The following SYNM variants were observed in gnomAD, a reference collection of about 807,000 sequenced individuals.
The protein encoded by SYNM is desmuslin.
A neutral mutation model predicts 104.0 loss-of-function variants in SYNM; 95 were observed. That is an observed-to-expected ratio of 0.91 (90% CI 0.77 to 1.08). The LOEUF is 1.08. SYNM is among the 50% of genes least tolerant of loss of function. The probability of loss-of-function intolerance (pLI) is 0.00; values close to 1 mark genes in which losing one functional copy is unlikely to be tolerated. For missense variants in SYNM, 2,150 were observed against 2,052.2 expected, an observed-to-expected ratio of 1.05 and a Z score of -0.92; for synonymous variants, 918 against 869.0, an observed-to-expected ratio of 1.06 and a Z score of -0.99.
rs979388201 is a variant in SYNM, at chr15:99,105,935, C to G, written c.736C>G (p.Gln246Glu). Residue 246 changes from glutamine (Q) to glutamate (E), a missense_variant, in exon 1 of 4, where the codon CAG becomes GAG. Physicochemically the swap from Gln to Glu is conservative, Grantham distance 29. Transcript: ENST00000336292. ...GCGGCGCGAGGCGCTCGGGTTGGAG[C>G]AGCTGCGCGCGCGGCTGGAGGACGC... ...ALRREALGLE[Q>E]LRARLEDALL... The G allele has an allele frequency of 6.6e-7, 1 of 1,522,750 alleles. No homozygotes were observed. The highest frequency in any genetic ancestry group is 8.8e-7 in the Non-Finnish European group (1 of 1,140,916). 94.3% of individuals were successfully genotyped at this position (1,522,750 alleles called of 1,614,324 possible). A position where few individuals can be genotyped will look rare whatever the true frequency, so the allele number is the denominator to read the frequency against.
In SYNM at chr15:99,131,274, A is replaced by C. The variant is rs2067503084; in HGVS notation, c.2914A>C (p.Thr972Pro). 17 of 1,611,820 alleles carry C rather than the reference A, an allele frequency of 1.1e-5. No homozygotes were observed. The highest frequency in any genetic ancestry group is 1.4e-5 in the Non-Finnish European group (17 of 1,179,272). Residue 972 changes from threonine to proline, a missense_variant, in exon 4 of 4, where the codon ACC becomes CCC. Thr to Pro is a conservative substitution (Grantham distance 38). Coordinates refer to ENST00000336292, the MANE Select transcript of SYNM (RefSeq NM_145728.3). This position sits in a 1 kb window ranked among gnomAD's most constrained non-coding sequence, Gnocchi z 4.3. ...CATGAGGGAGGAGCTGTCCGCCCTC[A>C]CCAGAGAGGGGCAGGGTGGGCCGGG... ...ERMREELSAL[T>P]REGQGGPGSV...
chr15:99,123,648 C>A (rs1412471780), intron 2 of SYNM, among the ~76,000 whole-genome samples: 1 of 152,250 alleles, frequency 6.6e-6, no homozygotes, highest in Non-Finnish European at 1.5e-5. Context: ...GGCTCCTTCT[C>A]CAGCTCCGGA....
In SYNM at chr15:99,105,469, C is replaced by G. The variant is rs1555482425; in HGVS notation, c.270C>G (p.Arg90=). 1.4e-6 allele frequency: 2 copies of G among 1,393,612 alleles called. No homozygotes were observed. The highest frequency in any genetic ancestry group is 1.9e-6 in the Non-Finnish European group (2 of 1,077,560). The allele number at this position is 1,393,612 out of a possible 1,614,324, so 86.3% of individuals were successfully genotyped here. A position where few individuals can be genotyped will look rare whatever the true frequency, so the allele number is the denominator to read the frequency against. ...AGGGCGAGCGGGACGCTCTGCGGCG[C>G]GAGCTGCGGGAGCTGCAGCGCCTGG... is the stretch of plus-strand genomic sequence containing the variant. The part of the protein sequence containing the change: ...LAEGERDALR[R]ELRELQRLDA... Residue 90 remains arginine, a synonymous_variant, in exon 1 of 4, where the codon CGC becomes CGG. Coordinates refer to ENST00000336292, the MANE Select transcript of SYNM (RefSeq NM_145728.3).
At chr15:99,123,145 G>A (rs2067416648) in intron 2 of SYNM, among the ~76,000 whole-genome samples, 1 of 152,130 alleles carries the variant, frequency 6.6e-6, no homozygotes, top group Non-Finnish European at 1.5e-5. Context: ...CAGAAATAGG[G>A]AAACTGAGTC....
At position 99,131,616 on chromosome 15, in the gene SYNM, G is replaced by A. The variant is rs781802455; in HGVS notation, c.3256G>A (p.Ala1086Thr). The A allele has an allele frequency of 6.2e-7, 1 of 1,610,300 alleles. No homozygotes were observed. The highest frequency in any genetic ancestry group is 1.7e-5 in the Admixed American group (1 of 59,938). Reference sequence around the variant, plus strand: ...AGGCGAGAGCGAGGTTGCTGGTGGGGCCTCTCACAGCTCGGGACAGCGCAC... The same window carrying A: ...AGGCGAGAGCGAGGTTGCTGGTGGGACCTCTCACAGCTCGGGACAGCGCAC... Reference protein sequence around the residue: ...PSGESEVAGGASHSSGQRTPQ... With the variant: ...PSGESEVAGGTSHSSGQRTPQ... The change falls in exon 4 of 4, where the codon GCC becomes ACC. Residue 1086 changes from alanine to threonine, a missense_variant. Physicochemically the swap from Ala to Thr is moderately conservative, Grantham distance 58. Transcript: ENST00000336292. The surrounding 1 kb of genome is among the most constrained non-coding windows in gnomAD (Gnocchi z 4.3).
At position 99,132,396 on chromosome 15, in the gene SYNM, G is replaced by A; in HGVS notation, c.4036G>A (p.Glu1346Lys). Residue 1346 changes from glutamate to lysine, a missense_variant, in exon 4 of 4, where the codon GAG (glutamate) becomes AAG (lysine). Coordinates refer to ENST00000336292, the MANE Select transcript of SYNM (RefSeq NM_145728.3). ...TGACTCAGAGAGCACTGTGCACGGA[G>A]AGGGCTCAGCAGATGTGCACCAGGC... Reference protein sequence around the residue: ...SGDSESTVHGEGSADVHQATH... With the variant: ...SGDSESTVHGKGSADVHQATH... The A allele has an allele frequency of 6.2e-7, 1 of 1,613,994 alleles. No individual in the cohort carries two copies. Among genetic ancestry groups the A allele is most frequent in the Non-Finnish European group, 8.5e-7 (1 of 1,179,886 alleles).
In SYNM at chr15:99,132,407, A is replaced by G. The variant is rs1555486111; in HGVS notation, c.4047A>G (p.Ala1349=). ...GCACTGTGCACGGAGAGGGCTCAGC[A>G]GATGTGCACCAGGCCACTCACAGTC... ...SESTVHGEGS[A]DVHQATHSHT... is the part of the protein sequence containing the mutation. Residue 1349 remains alanine, a synonymous_variant, in exon 4 of 4, where the codon GCA becomes GCG. Transcript: ENST00000336292. 1.2e-6 allele frequency: 2 copies of G among 1,613,916 alleles called. No individual in the cohort carries two copies. Among genetic ancestry groups the G allele is most frequent in the East Asian group, 4.5e-5 (2 of 44,892 alleles).
At chr15:99,117,990 A>C (rs1280325169) in intron 2 of SYNM, among the ~76,000 whole-genome samples, 2 of 152,002 alleles carry the variant, frequency 1.3e-5, no homozygotes, top group African/African-American at 2.4e-5. Context: ...ATTTCACTGT[A>C]CCTCTTTCTG....
downstream of SYNM, chr15:99,137,754 A>G: frequency 2.0e-6 from 1 of 499,860 alleles, no homozygotes; most frequent in Non-Finnish European, 3.5e-6. Context: ...CTGATGGGTA[A>G]AAATTCTTGT....
In SYNM at chr15:99,131,738, C is replaced by A. The variant is rs374811600; in HGVS notation, c.3378C>A (p.His1126Gln). 13 of 1,613,788 alleles carry A rather than the reference C, an allele frequency of 8.1e-6. No individual in the cohort carries two copies. The Admixed American group carries it at 1.5e-4, about 19-fold the overall frequency. Residue 1126 changes from histidine to glutamine, a missense_variant, in exon 4 of 4, where the codon CAC becomes CAA. Coordinates refer to ENST00000336292, the MANE Select transcript of SYNM (RefSeq NM_145728.3). The surrounding 1 kb of genome is among the most constrained non-coding windows in gnomAD (Gnocchi z 4.3). ...VLEDVSQAAR[H>Q]IKLGPSEVWR... ...AGGATGTGAGCCAGGCTGCAAGGCA[C>A]ATAAAACTCGGCCCCTCTGAAGTCT...
Position 99,130,062 on chromosome 15 carries a change from AAGG to A in SYNM, c.1705_1707del (p.Glu569del), listed in dbSNP as rs782761255. On this transcript the variant is annotated inframe_deletion, in exon 4 of 4. Coordinates refer to ENST00000336292, the MANE Select transcript of SYNM (RefSeq NM_145728.3). ...GAAGGCTAAGGAGAAGGACTCACCG[AAGG>A]AGAAGAGCGTGCGAGAGAGAGAGGT... The A allele has an allele frequency of 3.7e-6, 6 of 1,613,980 alleles. No homozygotes were observed. In the East Asian group the frequency reaches 1.3e-4, roughly 36 times the overall value.
Position 99,131,282 on chromosome 15 carries a change from G to C in SYNM, c.2922G>C (p.Glu974Asp), listed in dbSNP as rs782506299. Residue 974 changes from glutamate (E) to aspartate (D), a missense_variant, in exon 4 of 4, where the codon GAG becomes GAC. Transcript: ENST00000336292. This position sits in a 1 kb window ranked among gnomAD's most constrained non-coding sequence, Gnocchi z 4.3. ...MREELSALTR[E>D]GQGGPGSVSV... is the part of the protein sequence containing the mutation. ...AGGAGCTGTCCGCCCTCACCAGAGA[G>C]GGGCAGGGTGGGCCGGGGAGCGTTT... 8.1e-6 allele frequency: 13 copies of C among 1,612,294 alleles called. No individual in the cohort carries two copies. The South Asian group carries it at 1.3e-4, about 16-fold the overall frequency.
downstream of SYNM, chr15:99,139,316 C>T (rs192173095): frequency 1.0e-4 from 162 of 1,612,202 alleles, 1 homozygote; most frequent in Admixed American, 7.5e-4. Context: ...CGCCAACTCA[C>T]GTGGACAGCA....
chr15:99,127,245 A>G (rs2067456292), intron 3 of SYNM, among the ~76,000 whole-genome samples: 2 of 152,140 alleles, frequency 1.3e-5, no homozygotes, highest in Admixed American at 1.3e-4. Flanking sequence ...GAATAGTTAC[A>G]TTGTTTACAC....
At chr15:99,138,157 TG>T, downstream of SYNM, 1 of 1,609,862 alleles carries the variant, frequency 6.2e-7, no homozygotes, top group Non-Finnish European at 8.5e-7. Flanking sequence ...GGGGTGAGTG[TG>T]GTGCCCCTCA....
chr15:99,105,535 G>C lies in SYNM; in HGVS notation c.336G>C (p.Glu112Asp). The C allele has an allele frequency of 3.2e-6, 4 of 1,243,464 alleles. No homozygotes were observed. The highest frequency in any genetic ancestry group is 3.0e-6 in the Non-Finnish European group (3 of 995,456). 77.0% of individuals were successfully genotyped at this position (1,243,464 alleles called of 1,614,324 possible). ...ERAARGRLDAELGAQQRELQE... is the reference protein window; with the variant it reads ...ERAARGRLDADLGAQQRELQE... ...CCGCCCGCGGCCGCCTGGACGCCGA[G>C]CTGGGTGCGCAGCAGCGCGAGCTGC... Residue 112 changes from glutamate to aspartate, a missense_variant, in exon 1 of 4, where the codon GAG becomes GAC. Coordinates refer to ENST00000336292, the MANE Select transcript of SYNM (RefSeq NM_145728.3).
In SYNM at chr15:99,130,577, G is replaced by A. The variant is rs782070741; in HGVS notation, c.2217G>A (p.Gly739=). The A allele has an allele frequency of 6.2e-7, 1 of 1,613,750 alleles. No homozygotes were observed. Among genetic ancestry groups the A allele is most frequent in the Admixed American group, 1.7e-5 (1 of 59,978 alleles). The change falls in exon 4 of 4, where the codon GGG becomes GGA. Residue 739 remains glycine (G), a synonymous_variant. Transcript: ENST00000336292. ...IINLGLKGRE[G]RAKVVNVEIV... ...ACCTCGGCCTGAAAGGGAGGGAGGG[G>A]AGAGCAAAGGTCGTCAACGTGGAGA...
Position 99,130,959 on chromosome 15 carries a change from G to C in SYNM, c.2599G>C (p.Asp867His). The C allele has an allele frequency of 6.2e-7, 1 of 1,613,876 alleles. No homozygotes were observed. The highest frequency in any genetic ancestry group is 8.5e-7 in the Non-Finnish European group (1 of 1,179,842). ...EESTIRYSWQ[D>H]EIVQGTRRRT... is the part of the protein sequence containing the mutation. ...ATCCACCATCAGGTACTCTTGGCAG[G>C]ATGAAATCGTGCAGGGGACTCGAAG... The change falls in exon 4 of 4, where the codon GAT becomes CAT. Residue 867 changes from aspartate to histidine, a missense_variant. Transcript: ENST00000336292.
chr15:99,124,580 T>C (rs2067430644), intron 2 of SYNM, among the ~76,000 whole-genome samples: 1 of 152,236 alleles, frequency 6.6e-6, no homozygotes. Flanking sequence ...TTCATTAATA[T>C]GGCCCGGAGG....
Sources: allele counts gnomAD v4.1 joint callset (sites outside exome capture counted in the v4.1 genomes callset), GRCh38; gene constraint gnomAD v4.1.1; non-coding constraint Gnocchi (gnomAD v3.1); transcripts MANE v1.5; gene names NCBI Gene and HGNC (gene_info 2026-07-23, HGNC 2026-07-21).